EYA1: variants seen among roughly 807,000 people sequenced by gnomAD.
EYA1 encodes the protein EYA transcriptional coactivator and phosphatase 1.
A neutral mutation model predicts 82.0 loss-of-function variants in EYA1; 16 were observed. The ratio of observed to expected loss-of-function variants is 0.20; its 90% CI spans 0.13 to 0.30. The LOEUF is 0.30. EYA1 is among the 10% of genes least tolerant of loss of function. The pLI is 1.00. For missense variants in EYA1, 633 were observed against 730.7 expected (o/e 0.87, Z 1.54); for synonymous variants, 261 against 264.4 (o/e 0.99, Z 0.12).
rs1446723272 is a variant in EYA1 at position 71,547,272 on chromosome 8, C to T, written c.-73+592G>A. ...TCCCATTACTGGAGCTTCGAGCTCA[C>T]GCACATGTCTAAGATGGCAATCACA... On this transcript the variant is annotated intron_variant, in intron 1 of 18. Coordinates refer to the EYA1 transcript ENST00000643681. Among the ~76,000 whole-genome samples, 6 of 152,324 alleles carry T rather than the reference C, an allele frequency of 3.9e-5. No homozygotes were observed. In the East Asian group the frequency reaches 1.2e-3, roughly 30 times the overall value.
At chr8:71,206,896 C>CA (rs1807849781) in intron 17 of EYA1, among the ~76,000 whole-genome samples, 1 of 151,796 alleles carries the variant, frequency 6.6e-6, no homozygotes, top group African/African-American at 2.4e-5. Context: ...GCTGGGACTA[C>CA]AGGCACCCAC....
At chr8:71,414,732 A>G (rs1439897863) in intron 2 of EYA1, among the ~76,000 whole-genome samples, 4 of 152,224 alleles carry the variant, frequency 2.6e-5, no homozygotes, top group Non-Finnish European at 5.9e-5. Flanking sequence ...ATGTGGTCAA[A>G]TATTCTGAAG....
intron 11 of EYA1, among the ~76,000 whole-genome samples, chr8:71,256,042 C>A (rs909772731): frequency 6.6e-6 from 1 of 151,902 alleles, no homozygotes; most frequent in Non-Finnish European, 1.5e-5. Flanking sequence ...TATCAGAAAA[C>A]AAAAAACAGA....
intron 2 of EYA1, among the ~76,000 whole-genome samples, chr8:71,395,368 C>T (rs1349126456): frequency 6.6e-6 from 1 of 152,140 alleles, no homozygotes; most frequent in Non-Finnish European, 1.5e-5. Flanking sequence ...CTGTCTTGTG[C>T]CAGTTTTCAA....
chr8:71,334,259 T>C lies in EYA1; in HGVS notation c.125-85A>G, dbSNP rs775667301. The C allele has an allele frequency of 3.8e-6, 4 of 1,059,142 alleles. No homozygotes were observed. The Admixed American group carries it at 5.1e-5, about 14-fold the overall frequency. The allele number at this position is 1,059,142 out of a possible 1,614,324, so 65.6% of individuals were successfully genotyped here. ...AGAGAAGATATAACATTCAGAGTAATGACAAGAAAATCATTTCAAAAAACA... is the reference window on the plus strand; with the variant it reads ...AGAGAAGATATAACATTCAGAGTAACGACAAGAAAATCATTTCAAAAAACA... On this transcript the variant is annotated intron_variant, in intron 3 of 17. Transcript: ENST00000340726.
rs75548189 is a variant in EYA1 at position 71,331,599 on chromosome 8, T to C, written c.202+2498A>G. ...ACCATCTAGAGAGAATCACTGTTAA[T>C]TTTTAGACCCATATACACAGGCCCA... On this transcript the variant is annotated intron_variant, in intron 4 of 17. Coordinates refer to ENST00000340726, the MANE Select transcript of EYA1 (RefSeq NM_000503.6). Among the ~76,000 whole-genome samples the C allele has an allele frequency of 1.4e-3, 211 of 152,006 alleles. 4 individuals are homozygous for C. In the East Asian group the frequency reaches 0.032, roughly 23 times the overall value.
At chr8:71,464,708 A>G (rs978453964) in intron 2 of EYA1, among the ~76,000 whole-genome samples, 1 of 152,230 alleles carries the variant, frequency 6.6e-6, no homozygotes, top group Non-Finnish European at 1.5e-5. Flanking sequence ...TCAACTTATT[A>G]TAAAATGAAG....
rs571553104 is a variant in EYA1 at position 71,451,983 on chromosome 8, T to A, written c.33+83761A>T. On this transcript the variant is annotated intron_variant, in intron 2 of 18. Coordinates refer to the EYA1 transcript ENST00000643681. ...AAGCAGGGTGAGGCATCGCCTCACCTGGGAAGTGCAAGGGGTCAGGGAATT... is the reference window on the plus strand; with the variant it reads ...AAGCAGGGTGAGGCATCGCCTCACCAGGGAAGTGCAAGGGGTCAGGGAATT... 3.2e-4 allele frequency among the ~76,000 whole-genome samples: 49 copies of A among 152,310 alleles called. 3 individuals are homozygous for A. In the South Asian group the frequency reaches 6.4e-3, roughly 20 times the overall value.
chr8:71,356,710 C>T, intron 1 of EYA1, 199 bp from the exon 2 acceptor site: 2 of 1,252,588 alleles, frequency 1.6e-6, no homozygotes, highest in South Asian at 3.1e-5. Flanking sequence ...GTCTATCCTC[C>T]TCCTCCCCTT....
chr8:71,475,493 AG>A (rs1483559992), intron 2 of EYA1, among the ~76,000 whole-genome samples: 1 of 152,226 alleles, frequency 6.6e-6, no homozygotes, highest in East Asian at 1.9e-4. Context: ...GTCTTTTTAT[AG>A]GCAAAAATAT....
chr8:71,250,353 C>A (rs1366498843), intron 11 of EYA1, among the ~76,000 whole-genome samples: 1 of 152,282 alleles, frequency 6.6e-6, no homozygotes, highest in Non-Finnish European at 1.5e-5. Context: ...TCAGATGGAG[C>A]CTGTACACTC....
intron 2 of EYA1, among the ~76,000 whole-genome samples, 190 bp downstream of exon 2, chr8:71,356,272 T>C (rs1826866234): frequency 6.6e-6 from 1 of 152,208 alleles, no homozygotes; most frequent in Non-Finnish European, 1.5e-5. Flanking sequence ...ATAATTATTT[T>C]CAAACCGAGG....
chr8:71,262,023 G>A (rs945305948), intron 11 of EYA1, among the ~76,000 whole-genome samples: 3 of 152,104 alleles, frequency 2.0e-5, no homozygotes, highest in African/African-American at 7.2e-5. Flanking sequence ...CTAATTCATG[G>A]CATTCCCATG....
chr8:71,313,789 A>C (rs1199040830), intron 7 of EYA1, among the ~76,000 whole-genome samples: 1 of 152,220 alleles, frequency 6.6e-6, no homozygotes, highest in Non-Finnish European at 1.5e-5. Flanking sequence ...CAGTCTTTCT[A>C]AGTCTGATAG....
At chr8:71,452,129 G>T (rs575551125) in intron 2 of EYA1, among the ~76,000 whole-genome samples, 1 of 152,288 alleles carries the variant, frequency 6.6e-6, no homozygotes, top group East Asian at 1.9e-4. Flanking sequence ...TATATCCCAC[G>T]CATGGCTTGG....
rs371777538 is a variant in EYA1, at chr8:71,349,329, T to C, written c.124+5453A>G. Among the ~76,000 whole-genome samples the C allele has an allele frequency of 1.2e-4, 18 of 152,330 alleles. No individual in the cohort carries two copies. In the East Asian group the frequency reaches 1.4e-3, roughly 11 times the overall value. On this transcript the variant is annotated intron_variant, in intron 3 of 17. Transcript: ENST00000340726. ...GCTAGGGAATGGCATCATTCAGCCA[T>C]GAAGGCACCAATGTGGCAATGAAAG...
intron 2 of EYA1, among the ~76,000 whole-genome samples, chr8:71,442,801 C>T (rs866366169): frequency 5.3e-5 from 8 of 152,170 alleles, no homozygotes; most frequent in African/African-American, 1.9e-4. Context: ...AGTTAATACA[C>T]ACAGTGGGAA....
At position 71,215,635 on chromosome 8, in the gene EYA1, G is replaced by A. The variant is rs778970223; in HGVS notation, c.1454C>T (p.Ala485Val). The A allele has an allele frequency of 1.2e-5, 19 of 1,613,968 alleles. No homozygotes were observed. Among genetic ancestry groups the A allele is most frequent in the Non-Finnish European group, 1.4e-5 (17 of 1,179,942 alleles). Residue 485 changes from alanine (A) to valine (V), a missense_variant, in exon 15 of 18, where the codon GCA (alanine) becomes GTA (valine). Physicochemically the swap from Ala to Val is moderately conservative, Grantham distance 64. Coordinates refer to ENST00000340726, the MANE Select transcript of EYA1 (RefSeq NM_000503.6). ...TDSWLTLALKALSLIHSRTNC... is the reference protein window; with the variant it reads ...TDSWLTLALKVLSLIHSRTNC... ...TCACCGGGAGTGAATGAGCGAGAGT[G>A]CTTTCAGGGCCAGTGTCAACCAGGA... is the stretch of plus-strand genomic sequence containing the variant.
At chr8:71,225,739 A>G (rs997751964) in intron 12 of EYA1, among the ~76,000 whole-genome samples, 2 of 152,236 alleles carry the variant, frequency 1.3e-5, no homozygotes, top group African/African-American at 4.8e-5. Context: ...TTCAGAAACC[A>G]AAAAGAGGAA....
Sources: allele counts gnomAD v4.1 joint callset (sites outside exome capture counted in the v4.1 genomes callset), GRCh38; gene constraint gnomAD v4.1.1; transcripts MANE v1.5; gene names NCBI Gene and HGNC (gene_info 2026-07-23, HGNC 2026-07-21).